SND1: variants seen among roughly 807,000 people sequenced by gnomAD.
SND1 encodes the protein staphylococcal nuclease and tudor domain containing 1.
Under a neutral mutation model 121.7 loss-of-function variants are expected in SND1, and 38 were observed. The ratio of observed to expected loss-of-function variants is 0.31; its 90% CI spans 0.24 to 0.41. The LOEUF (loss-of-function observed/expected upper bound fraction) is 0.41, where lower values mean the gene tolerates loss of function less well. Among genes scored for constraint, SND1 ranks in the 10% least tolerant of loss-of-function variants. The pLI is 1.00. For synonymous variants in SND1, 401 were observed against 447.4 expected, an observed-to-expected ratio of 0.90 and a Z score of 1.31; for missense variants, 868 against 1,184.6, an observed-to-expected ratio of 0.73 and a Z score of 3.92.
intron 13 of SND1, among the ~76,000 whole-genome samples, chr7:127,891,957 TAGAC>T (rs1800016503): frequency 6.6e-6 from 1 of 152,124 alleles, no homozygotes; most frequent in Non-Finnish European, 1.5e-5. Flanking sequence ...AGGTAAATAA[TAGAC>T]AGGTCAGGTG....
chr7:127,936,915 A>C (rs1801073507), intron 15 of SND1, among the ~76,000 whole-genome samples: 1 of 152,160 alleles, frequency 6.6e-6, no homozygotes, highest in Non-Finnish European at 1.5e-5. Context: ...CTTTATATTG[A>C]GTGTCCTTAT....
intron 11 of SND1, among the ~76,000 whole-genome samples, chr7:127,811,028 A>G (rs1798326779): frequency 6.6e-6 from 1 of 152,214 alleles, no homozygotes; most frequent in Admixed American, 6.5e-5. Context: ...CTATCATCAG[A>G]GACTGTCCTG....
intron 10 of SND1, among the ~76,000 whole-genome samples, chr7:127,723,645 G>C (rs1462743268): frequency 6.6e-6 from 1 of 152,160 alleles, no homozygotes. Flanking sequence ...GGGTGGTCTG[G>C]GTGATCTTCC....
chr7:127,996,193 G>GA (rs1337703727), intron 16 of SND1, among the ~76,000 whole-genome samples: 1 of 151,768 alleles, frequency 6.6e-6, no homozygotes, highest in Non-Finnish European at 1.5e-5. Flanking sequence ...TGCCATTGGG[G>GA]AAAAAAAAGT....
intron 1 of SND1, among the ~76,000 whole-genome samples, chr7:127,665,796 C>A (rs1320439745): frequency 6.6e-6 from 1 of 152,056 alleles, no homozygotes; most frequent in Admixed American, 6.6e-5. Flanking sequence ...GCCTTTAATA[C>A]AAGGACATTA....
intron 15 of SND1, among the ~76,000 whole-genome samples, chr7:127,948,350 A>G (rs1801380617): frequency 6.6e-6 from 1 of 152,328 alleles, no homozygotes; most frequent in Non-Finnish European, 1.5e-5. Context: ...TTCAAGGGCT[A>G]AAATGCCATG....
chr7:127,668,509 TAA>T lies in SND1; in HGVS notation c.78+16060_78+16061del, dbSNP rs531246677. Among the ~76,000 whole-genome samples the T allele has an allele frequency of 2.9e-4, 44 of 152,326 alleles. No individual in the cohort carries two copies. The South Asian group carries it at 8.3e-3, about 29-fold the overall frequency. ...ACCATGTCTGTCCTATTCACCATGG[TAA>T]ATCCAGAGCCCAGAACAAGACCAGG... On this transcript the variant is annotated intron_variant, in intron 1 of 23. Coordinates refer to ENST00000354725, the MANE Select transcript of SND1 (RefSeq NM_014390.4).
intron 10 of SND1, among the ~76,000 whole-genome samples, chr7:127,792,986 G>A (rs1012570544): frequency 6.6e-5 from 10 of 152,250 alleles, no homozygotes; most frequent in African/African-American, 2.4e-4. Context: ...GGGGTTTGCA[G>A]GTTCCCTGCC....
chr7:127,743,454 T>C (rs1796919366), intron 10 of SND1, among the ~76,000 whole-genome samples: 1 of 152,346 alleles, frequency 6.6e-6, no homozygotes, highest in African/African-American at 2.4e-5. Context: ...GGTGATGCTT[T>C]TACTTTCTAG....
chr7:127,766,016 A>G (rs2116486888), intron 10 of SND1, among the ~76,000 whole-genome samples: 1 of 152,278 alleles, frequency 6.6e-6, no homozygotes, highest in South Asian at 2.1e-4. Context: ...CTTAATTTCT[A>G]GTGTTAACAG....
At chr7:127,876,392 A>G (rs1012048443) in intron 12 of SND1, among the ~76,000 whole-genome samples, 1 of 152,090 alleles carries the variant, frequency 6.6e-6, no homozygotes, top group Non-Finnish European at 1.5e-5. Flanking sequence ...TAGAGAGAGA[A>G]TCGAAAAGAA....
chr7:127,984,372 ATCCTTGAAGTGT>A (rs1802338029), intron 15 of SND1, among the ~76,000 whole-genome samples: 1 of 152,228 alleles, frequency 6.6e-6, no homozygotes, highest in African/African-American at 2.4e-5. Flanking sequence ...ACTTTGTTTA[ATCCTTGAAGTGT>A]TATATAACCA....
At chr7:127,800,133 A>C (rs950981709) in intron 10 of SND1, among the ~76,000 whole-genome samples, 3 of 152,184 alleles carry the variant, frequency 2.0e-5, no homozygotes, top group Non-Finnish European at 4.4e-5. Flanking sequence ...TAATGCTCCT[A>C]TTTTAAGTCT....
At chr7:128,054,515 A>G (rs1212038051) in intron 16 of SND1, among the ~76,000 whole-genome samples, 1 of 152,258 alleles carries the variant, frequency 6.6e-6, no homozygotes, top group East Asian at 1.9e-4. Flanking sequence ...TGCATAGCAG[A>G]TATGAATGCC....
At chr7:127,918,886 A>G (rs1354724223) in intron 14 of SND1, among the ~76,000 whole-genome samples, 1 of 152,204 alleles carries the variant, frequency 6.6e-6, no homozygotes, top group African/African-American at 2.4e-5. Flanking sequence ...GAGTAAAATG[A>G]TTGGGTTTTT....
intron 16 of SND1, among the ~76,000 whole-genome samples, chr7:127,995,431 G>C (rs1360691699): frequency 6.6e-6 from 1 of 152,192 alleles, no homozygotes; most frequent in African/African-American, 2.4e-5. Flanking sequence ...TCCCAGATGG[G>C]GAGTTGTGCC....
intron 11 of SND1, among the ~76,000 whole-genome samples, chr7:127,836,833 G>T (rs1798876863): frequency 6.6e-6 from 1 of 151,996 alleles, no homozygotes; most frequent in South Asian, 2.1e-4. Flanking sequence ...GACAAATCAG[G>T]AATTAATAAA....
At position 128,030,714 on chromosome 7, in the gene SND1, A is replaced by C; in HGVS notation, c.1779+39658A>C. On this transcript the variant is annotated intron_variant, in intron 16 of 23. Transcript: ENST00000354725. ...AGGAGAACCAGCCCTACCCCGGCTT[A>C]AGTGAGCTAGGAGCTCCTCTTTCCA... 6 of 1,496,370 alleles carry C rather than the reference A, an allele frequency of 4.0e-6. No homozygotes were observed. In the Middle Eastern group the frequency reaches 7.2e-4, roughly 180 times the overall value. The allele number at this position is 1,496,370 out of a possible 1,614,324, so 92.7% of individuals were successfully genotyped here.
chr7:127,854,879 A>G (rs1348385202), intron 12 of SND1, among the ~76,000 whole-genome samples: 1 of 152,172 alleles, frequency 6.6e-6, no homozygotes, highest in East Asian at 1.9e-4. Context: ...GCTCCCTTTC[A>G]TTCTGAGTGA....
Sources: gnomAD v4.1 joint callset for allele counts (sites outside exome capture counted in the v4.1 genomes callset) on GRCh38, gnomAD v4.1.1 for gene constraint, MANE v1.5 for transcripts, NCBI Gene and HGNC (gene_info 2026-07-23, HGNC 2026-07-21) for gene names.